MYOM3: variants seen among roughly 807,000 people sequenced by gnomAD.
The protein encoded by MYOM3 is myomesin 3.
A neutral mutation model predicts 191.7 loss-of-function variants in MYOM3; 155 were observed. The observed-to-expected ratio is 0.81, with a 90% CI of 0.71 to 0.92. The LOEUF is 0.92. MYOM3 is among the 40% of genes least tolerant of loss of function. The probability of loss-of-function intolerance (pLI) is 0.00; values close to 1 mark genes in which losing one functional copy is unlikely to be tolerated. For missense variants in MYOM3, 1,889 were observed against 1,890.6 expected, an observed-to-expected ratio of 1.00 and a Z score of 0.02; for synonymous variants, 757 against 762.9, an observed-to-expected ratio of 0.99 and a Z score of 0.13.
At chr1:24,079,693 G>A (rs78467047) in intron 20 of MYOM3, among the ~76,000 whole-genome samples, 2 of 152,152 alleles carry the variant, frequency 1.3e-5, no homozygotes, top group Non-Finnish European at 2.9e-5. Flanking sequence ...ATCTTTGCAC[G>A]TTTGCCTAAT....
In MYOM3 at chr1:24,068,341, CTCTCGGTCAAAATTGATT is replaced by C; in HGVS notation, c.3159_3176del (p.Ile1054_Glu1059del). The C allele has an allele frequency of 6.2e-7, 1 of 1,614,152 alleles. No individual in the cohort carries two copies. ...GGATGATCACTTCCACCAGGCCCTTCTCTCGGTCAAAATTGATTTTGCGGTTCTGAAAAGGACAAACTC... is the reference window on the plus strand; with the variant it reads ...GGATGATCACTTCCACCAGGCCCTTCTTGCGGTTCTGAAAAGGACAAACTC... On this transcript the variant is annotated inframe_deletion, in exon 26 of 37. Transcript: ENST00000374434.
chr1:24,095,374 A>G (rs936176416), intron 8 of MYOM3, 68 bp downstream of exon 8: 2 of 1,453,836 alleles, frequency 1.4e-6, no homozygotes, highest in South Asian at 1.2e-5. Flanking sequence ...CTAAACAGGG[A>G]CTGTGGGGGT....
intron 20 of MYOM3, 42 bp from the exon 21 acceptor site, chr1:24,076,315 A>G (rs753321140): frequency 6.8e-7 from 1 of 1,460,064 alleles, no homozygotes; most frequent in Admixed American, 1.7e-5. Context: ...GACAGCAGTG[A>G]CTCTTCCTGA....
In MYOM3 at chr1:24,072,077, G is replaced by T. The variant is rs569168710; in HGVS notation, c.2969-64C>A. 192 of 1,501,100 alleles carry T rather than the reference G, an allele frequency of 1.3e-4. No homozygotes were observed. In the African/African-American group the frequency reaches 1.7e-3, roughly 13 times the overall value. 93.0% of individuals were successfully genotyped at this position (1,501,100 alleles called of 1,614,324 possible). A position where few individuals can be genotyped will look rare whatever the true frequency, so the allele number is the denominator to read the frequency against. ...GAAATATCCTGGTCGGGGGTGGGGGGCCCACAGGAGCCGTCCTAGGATCCT... is the reference window on the plus strand; with the variant it reads ...GAAATATCCTGGTCGGGGGTGGGGGTCCCACAGGAGCCGTCCTAGGATCCT... On this transcript the variant is annotated intron_variant, in intron 23 of 36. Coordinates refer to ENST00000374434, the MANE Select transcript of MYOM3 (RefSeq NM_152372.4).
At chr1:24,109,501 C>T (rs1644021439) in intron 1 of MYOM3, among the ~76,000 whole-genome samples, 1 of 152,216 alleles carries the variant, frequency 6.6e-6, no homozygotes, top group Non-Finnish European at 1.5e-5. Context: ...TATTTTCTAG[C>T]ACTCCACAAT....
At chr1:24,068,637 A>T (rs1188042748) in intron 25 of MYOM3, among the ~76,000 whole-genome samples, 1 of 151,972 alleles carries the variant, frequency 6.6e-6, no homozygotes, top group Non-Finnish European at 1.5e-5. Flanking sequence ...GTTACAATTT[A>T]ATAATAAGTC....
intron 20 of MYOM3, among the ~76,000 whole-genome samples, chr1:24,077,456 T>C (rs571436743): frequency 6.6e-6 from 1 of 152,328 alleles, no homozygotes; most frequent in Admixed American, 6.5e-5. Context: ...CACACCTCCC[T>C]GCCTTTGCCC....
In MYOM3 at chr1:24,067,956, C is replaced by A. The variant is rs745749096; in HGVS notation, c.3355+14G>T. On this transcript the variant is annotated intron_variant, in intron 27 of 36. Transcript: ENST00000374434. ...GTGGCCAGGGATTTTGAACTTCACC[C>A]CAGCAGCTCTTACCCTGTTTTCTCT... 2 of 1,613,826 alleles carry A rather than the reference C, an allele frequency of 1.2e-6. No homozygotes were observed. The highest frequency in any genetic ancestry group is 1.7e-6 in the Non-Finnish European group (2 of 1,179,676).
At chr1:24,075,629 C>A (rs373886281) in intron 21 of MYOM3, among the ~76,000 whole-genome samples, 154 bp from the exon 22 acceptor site, 10 of 152,290 alleles carry the variant, frequency 6.6e-5, no homozygotes, top group African/African-American at 2.4e-4. Flanking sequence ...GGATCCGGCT[C>A]CTTCCCACCT....
At position 24,082,702 on chromosome 1, in the gene MYOM3, G is replaced by A. The variant is rs367719400; in HGVS notation, c.1983C>T (p.Pro661=). 1.3e-5 allele frequency: 21 copies of A among 1,606,022 alleles called. No individual in the cohort carries two copies. In the African/African-American group the frequency reaches 1.9e-4, roughly 14 times the overall value. ...CGTACTCCTTCCCCGTCCTCAGCCC[G>A]GGAACTGTAAACCTGGGAGAGAAAT... ...KPIQGTRFTV[P]GLRTGKEYEF... Residue 661 remains proline, a synonymous_variant, in exon 17 of 37, where the codon CCC becomes CCT. Transcript: ENST00000374434.
chr1:24,072,649 C>A (rs1416415055), intron 23 of MYOM3, among the ~76,000 whole-genome samples: 1 of 152,162 alleles, frequency 6.6e-6, no homozygotes, highest in Non-Finnish European at 1.5e-5. Context: ...ATTCTCCTGC[C>A]TCAGCCTCCC....
chr1:24,067,304 C>CTTT (rs1643451539), intron 27 of MYOM3, among the ~76,000 whole-genome samples: 5 of 127,134 alleles, frequency 3.9e-5, no homozygotes, highest in Non-Finnish European at 6.4e-5. Flanking sequence ...TTCTTTCTTT[C>CTTT]CTTCTTTCTT....
At position 24,073,241 on chromosome 1, in the gene MYOM3, C is replaced by T. The variant is rs181054531; in HGVS notation, c.2968+919G>A. Among the ~76,000 whole-genome samples the T allele has an allele frequency of 5.0e-3, 761 of 152,234 alleles. 7 individuals are homozygous for T. The highest frequency in any genetic ancestry group is 7.0e-3 in the Non-Finnish European group (476 of 68,020). Reference sequence around the variant, plus strand: ...GGAACTGGAATTGGAACCTGGGTCTCTCTGGCTTCTGTTTCTTAACAAAAT... The same window carrying T: ...GGAACTGGAATTGGAACCTGGGTCTTTCTGGCTTCTGTTTCTTAACAAAAT... On this transcript the variant is annotated intron_variant, in intron 23 of 36. Coordinates refer to ENST00000374434, the MANE Select transcript of MYOM3 (RefSeq NM_152372.4).
chr1:24,067,415 C>G lies in MYOM3; in HGVS notation c.3356-327G>C, dbSNP rs372826259. ...CCTTCCTTCCTTCCTTCCTTCCTTC[C>G]TTCCTTCCTTCCTTCCTTCCTTCCT... On this transcript the variant is annotated intron_variant, in intron 27 of 36. Transcript: ENST00000374434. Among the ~76,000 whole-genome samples the G allele has an allele frequency of 2.1e-5, 2 of 97,256 alleles. 1 individual carries two copies. The highest frequency in any genetic ancestry group is 4.0e-5 in the Non-Finnish European group (2 of 49,900). 63.8% of individuals were successfully genotyped at this position (97,256 alleles called of 152,430 possible). A position where few individuals can be genotyped will look rare whatever the true frequency, so the allele number is the denominator to read the frequency against.
chr1:24,107,898 T>C (rs1347751354), intron 3 of MYOM3, 95 bp downstream of exon 3: 1 of 1,114,812 alleles, frequency 9.0e-7, no homozygotes, highest in Non-Finnish European at 1.3e-6. Context: ...GGGCAGGTTC[T>C]TTACACTCGG....
chr1:24,065,115 ACT>A (rs772516991), intron 29 of MYOM3, among the ~76,000 whole-genome samples: 2 of 151,968 alleles, frequency 1.3e-5, no homozygotes, highest in Non-Finnish European at 2.9e-5. Flanking sequence ...TTATAATAAA[ACT>A]CTGTAACTTT....
intron 5 of MYOM3, among the ~76,000 whole-genome samples, chr1:24,100,026 GC>G (rs1411134508): frequency 6.6e-6 from 1 of 152,006 alleles, no homozygotes; most frequent in Non-Finnish European, 1.5e-5. Flanking sequence ...CTTCCACCAC[GC>G]CCGGCTAATT....
At chr1:24,060,007 G>A (rs1041000389) in intron 35 of MYOM3, among the ~76,000 whole-genome samples, 8 of 152,178 alleles carry the variant, frequency 5.3e-5, no homozygotes, top group African/African-American at 1.9e-4. Context: ...CTTCACAGCT[G>A]GACAAAATGA....
At chr1:24,094,318 C>T (rs1467206716) in intron 9 of MYOM3, among the ~76,000 whole-genome samples, 1 of 151,914 alleles carries the variant, frequency 6.6e-6, no homozygotes, top group Non-Finnish European at 1.5e-5. Context: ...TTACAGGCAC[C>T]CACCAACATG....
Sources: allele counts gnomAD v4.1 joint callset (sites outside exome capture counted in the v4.1 genomes callset), GRCh38; gene constraint gnomAD v4.1.1; transcripts MANE v1.5; gene names NCBI Gene and HGNC (gene_info 2026-07-23, HGNC 2026-07-21).